Variants in ACOXL observed in about 807,000 individuals in gnomAD.
ACOXL encodes the protein acyl-coenzyme A oxidase-like protein.
In ACOXL, 70 loss-of-function variants were observed where a neutral mutation model predicts 71.9. The ratio of observed to expected loss-of-function variants is 0.97; its 90% CI spans 0.80 to 1.19. The LOEUF (loss-of-function observed/expected upper bound fraction) is 1.19, where lower values mean the gene tolerates loss of function less well. Ranked by LOEUF, ACOXL falls within the 50% of genes most tolerant of loss-of-function variation. The pLI is 0.00. For missense variants in ACOXL, 703 were observed against 736.3 expected (o/e 0.95, Z 0.52); for synonymous variants, 253 against 281.6 (o/e 0.90, Z 1.02).
At chr2:110,778,707 G>A (rs2105103376) in intron 2 of ACOXL, among the ~76,000 whole-genome samples, 1 of 152,342 alleles carries the variant, frequency 6.6e-6, no homozygotes, top group East Asian at 1.9e-4. Context: ...AAGTTGTCCA[G>A]ACAGTGTTTG....
chr2:110,985,892 CT>C (rs2062912626), intron 12 of ACOXL, among the ~76,000 whole-genome samples: 1 of 152,210 alleles, frequency 6.6e-6, no homozygotes, highest in Admixed American at 6.5e-5. Context: ...GCCAATAAAG[CT>C]TCCCCAGGCA....
chr2:110,895,737 A>T (rs1427156311), intron 10 of ACOXL, among the ~76,000 whole-genome samples: 4 of 152,148 alleles, frequency 2.6e-5, no homozygotes, highest in Non-Finnish European at 4.4e-5. Context: ...GAGGCCAGAA[A>T]AAAAGTGGCA....
chr2:110,993,581 C>T (rs1009299920), intron 13 of ACOXL, among the ~76,000 whole-genome samples: 10 of 152,138 alleles, frequency 6.6e-5, no homozygotes, highest in African/African-American at 1.9e-4. Flanking sequence ...TGAGTAGAAC[C>T]GCTATGAGCA....
At chr2:110,929,468 C>G (rs769539183) in intron 11 of ACOXL, among the ~76,000 whole-genome samples, 2 of 152,084 alleles carry the variant, frequency 1.3e-5, no homozygotes, top group Admixed American at 6.6e-5. Context: ...AAAAGGGAAA[C>G]AGTATAAATG....
At chr2:111,056,052 A>C (rs1035237009) in intron 16 of ACOXL, among the ~76,000 whole-genome samples, 2 of 152,098 alleles carry the variant, frequency 1.3e-5, no homozygotes, top group Admixed American at 6.5e-5. Flanking sequence ...TCACTTGAAG[A>C]GTATATTCTA....
intron 8 of ACOXL, among the ~76,000 whole-genome samples, chr2:110,803,479 T>G (rs2105347683): frequency 6.6e-6 from 1 of 152,320 alleles, no homozygotes; most frequent in South Asian, 2.1e-4. Flanking sequence ...TGCAAAAGCA[T>G]GAAGTTGGAC....
intron 2 of ACOXL, among the ~76,000 whole-genome samples, chr2:110,783,553 G>T (rs1170615954): frequency 6.6e-6 from 1 of 152,168 alleles, no homozygotes; most frequent in Non-Finnish European, 1.5e-5. Flanking sequence ...TGTGGAAACT[G>T]AAAGTCATTC....
chr2:111,066,135 C>T lies in ACOXL; in HGVS notation c.1440+16847C>T, dbSNP rs114877384. ...AAAATCTGGAAACAAACCCAATTTT[C>T]CTTTAATGGGTAAATGATTAAGGAA... is the stretch of plus-strand genomic sequence containing the variant. On this transcript the variant is annotated intron_variant, in intron 16 of 17. Coordinates refer to ENST00000439055, the MANE Select transcript of ACOXL (RefSeq NM_001142807.4). Among the ~76,000 whole-genome samples the T allele has an allele frequency of 4.9e-3, 752 of 152,280 alleles. 9 individuals carry two copies. The highest frequency in any genetic ancestry group is 0.017 in the African/African-American group (726 of 41,536).
intron 12 of ACOXL, among the ~76,000 whole-genome samples, chr2:110,940,748 T>G (rs1288800660): frequency 6.6e-6 from 1 of 152,214 alleles, no homozygotes; most frequent in Non-Finnish European, 1.5e-5. Context: ...TATCACTCTG[T>G]GTTAGGAAAT....
chr2:110,740,421 G>A (rs2104693062), intron 1 of ACOXL, among the ~76,000 whole-genome samples: 1 of 152,296 alleles, frequency 6.6e-6, no homozygotes, highest in East Asian at 1.9e-4. Flanking sequence ...TGGCTCCCAG[G>A]AGCTTCTGCA....
At chr2:111,022,429 A>ACACACG (rs1277243293) in intron 14 of ACOXL, among the ~76,000 whole-genome samples, 7 of 151,728 alleles carry the variant, frequency 4.6e-5, no homozygotes, top group Non-Finnish European at 1.0e-4. Flanking sequence ...CCTCACACAC[A>ACACACG]CACACACACA....
At chr2:110,853,016 A>G (rs1224953926) in intron 10 of ACOXL, among the ~76,000 whole-genome samples, 2 of 152,102 alleles carry the variant, frequency 1.3e-5, no homozygotes, top group African/African-American at 2.4e-5. Flanking sequence ...GGGTCCATAC[A>G]ATGTTCCTCC....
In ACOXL at chr2:111,038,376, C is replaced by CTTCCCACTTTTTAAATGTGT. The variant is rs1220140016; in HGVS notation, c.1369+6685_1369+6704dup. Among the ~76,000 whole-genome samples the CTTCCCACTTTTTAAATGTGT allele has an allele frequency of 4.6e-5, 7 of 152,138 alleles. No homozygotes were observed. The East Asian group carries it at 1.3e-3, about 29-fold the overall frequency. On this transcript the variant is annotated intron_variant, in intron 15 of 17. Transcript: ENST00000439055. ...AATAAAATAAAAAATAAAATAAGCC[C>CTTCCCACTTTTTAAATGTGT]TTCCCACTTTTTAAATGTGTTTCCC...
intron 10 of ACOXL, among the ~76,000 whole-genome samples, chr2:110,855,665 A>G (rs1693146072): frequency 6.6e-6 from 1 of 152,242 alleles, no homozygotes; most frequent in African/African-American, 2.4e-5. Flanking sequence ...AAAATATTAA[A>G]TGGAAAATTT....
chr2:111,103,501 T>A (rs545302858), intron 17 of ACOXL, among the ~76,000 whole-genome samples: 3 of 152,242 alleles, frequency 2.0e-5, no homozygotes, highest in African/African-American at 7.2e-5. Flanking sequence ...AGGCATTGAT[T>A]CCATTAACCT....
intron 14 of ACOXL, among the ~76,000 whole-genome samples, chr2:111,000,537 A>G (rs2063576801): frequency 6.6e-6 from 1 of 152,152 alleles, no homozygotes; most frequent in South Asian, 2.1e-4. Flanking sequence ...AACAACAGAG[A>G]TTTATTTTCT....
chr2:110,841,225 T>C (rs1219947717), intron 9 of ACOXL, 146 bp from the exon 10 acceptor site: 5 of 612,912 alleles, frequency 8.2e-6, no homozygotes, highest in Non-Finnish European at 1.4e-5. Context: ...TATCTGTCAT[T>C]AAAATGTGTT....
At chr2:111,029,961 G>T (rs1249518917) in intron 14 of ACOXL, among the ~76,000 whole-genome samples, 1 of 151,954 alleles carries the variant, frequency 6.6e-6, no homozygotes, top group Non-Finnish European at 1.5e-5. Flanking sequence ...TTCAGGCAGG[G>T]GTCTGCATTG....
chr2:111,091,692 T>C (rs934553389), intron 16 of ACOXL, among the ~76,000 whole-genome samples: 3 of 152,220 alleles, frequency 2.0e-5, no homozygotes, highest in Non-Finnish European at 4.4e-5. Flanking sequence ...GCACTTAATC[T>C]GGCCAAGGAA....
Sources: allele counts gnomAD v4.1 joint callset (sites outside exome capture counted in the v4.1 genomes callset), GRCh38; gene constraint gnomAD v4.1.1; transcripts MANE v1.5; gene names NCBI Gene and HGNC (gene_info 2026-07-23, HGNC 2026-07-21).